The following MYO5B variants were observed in gnomAD, a reference collection of about 807,000 sequenced individuals.
MYO5B encodes myosin VB.
MYO5B carries 143 observed loss-of-function variants against 229.3 expected under a neutral mutation model. That is an observed-to-expected ratio of 0.62 (90% CI 0.54 to 0.72). The LOEUF is 0.72. MYO5B is among the 30% of genes least tolerant of loss of function. The probability of loss-of-function intolerance (pLI) is 0.00; values close to 1 mark genes in which losing one functional copy is unlikely to be tolerated. For missense variants in MYO5B, 2,321 were observed against 2,331.0 expected, an observed-to-expected ratio of 1.00 and a Z score of 0.09; for synonymous variants, 918 against 885.2, an observed-to-expected ratio of 1.04 and a Z score of -0.66.
At chr18:49,879,397 C>A in intron 23 of MYO5B, 1 of 427,814 alleles carries the variant, frequency 2.3e-6, no homozygotes, top group Non-Finnish European at 4.3e-6. Context: ...ACAGCAACTG[C>A]TGGCAGCATT....
chr18:49,925,305 G>A (rs1334447070), intron 17 of MYO5B, among the ~76,000 whole-genome samples: 1 of 152,224 alleles, frequency 6.6e-6, no homozygotes, highest in Non-Finnish European at 1.5e-5. Context: ...GAATATGCCT[G>A]TGACCTGGAA....
chr18:49,916,434 C>T (rs906394934), intron 17 of MYO5B, among the ~76,000 whole-genome samples: 11 of 152,216 alleles, frequency 7.2e-5, no homozygotes, highest in African/African-American at 2.7e-4. Flanking sequence ...GAACATCACC[C>T]ACCTCATACA....
At chr18:50,106,183 C>G (rs2031756913) in intron 1 of MYO5B, among the ~76,000 whole-genome samples, 1 of 152,134 alleles carries the variant, frequency 6.6e-6, no homozygotes, top group Admixed American at 6.5e-5. Context: ...TCTCCCGATT[C>G]TCTCCCAAAT....
chr18:50,167,052 A>G (rs1316706428), intron 1 of MYO5B, among the ~76,000 whole-genome samples: 1 of 152,240 alleles, frequency 6.6e-6, no homozygotes, highest in Non-Finnish European at 1.5e-5. Context: ...AAAGATCTAA[A>G]CGAGTTAACT....
chr18:50,165,427 C>T (rs2032832675), intron 1 of MYO5B, among the ~76,000 whole-genome samples: 1 of 151,744 alleles, frequency 6.6e-6, no homozygotes. Flanking sequence ...CTTCAGTGAG[C>T]CATGATTGTG....
chr18:49,983,987 A>G (rs1598931424), intron 8 of MYO5B, among the ~76,000 whole-genome samples: 1 of 152,314 alleles, frequency 6.6e-6, no homozygotes, highest in South Asian at 2.1e-4. Context: ...GGGGCTGGGG[A>G]AGACACAAGC....
intron 1 of MYO5B, among the ~76,000 whole-genome samples, chr18:50,185,697 G>C (rs11082809): frequency 0.51 from 78,031 of 152,008 alleles, 20,191 homozygotes; most frequent in Admixed American, 0.59. Context: ...AAAATAATTG[G>C]AACCAACCTA....
In MYO5B at chr18:49,864,128, G is replaced by A. The variant is rs1257096964; in HGVS notation, c.3843+13C>T. Reference sequence around the variant, plus strand: ...CCCCTCGGCAGCCCCACCGCGGGCCGCCATCTTGTTACCGCGTTCCTGCCG... The same window carrying A: ...CCCCTCGGCAGCCCCACCGCGGGCCACCATCTTGTTACCGCGTTCCTGCCG... On this transcript the variant is annotated intron_variant, in intron 28 of 39. Transcript: ENST00000285039. The A allele has an allele frequency of 5.0e-6, 8 of 1,605,850 alleles. No homozygotes were observed. The highest frequency in any genetic ancestry group is 3.4e-6 in the Non-Finnish European group (4 of 1,179,732).
At chr18:49,833,148 A>G (rs2023943601) in intron 39 of MYO5B, among the ~76,000 whole-genome samples, 3 of 152,244 alleles carry the variant, frequency 2.0e-5, no homozygotes, top group African/African-American at 7.2e-5. Flanking sequence ...TATTACCTAT[A>G]TTATCACAAT....
intron 26 of MYO5B, 58 bp from the exon 27 acceptor site, chr18:49,872,290 G>A (rs1397511650): frequency 6.3e-7 from 1 of 1,576,002 alleles, no homozygotes; most frequent in Admixed American, 1.7e-5. Flanking sequence ...TTCCACAGAG[G>A]TGTTTCCAAC....
chr18:49,960,206 T>C (rs567909121), intron 12 of MYO5B, among the ~76,000 whole-genome samples: 119 of 152,330 alleles, frequency 7.8e-4, no homozygotes, highest in South Asian at 2.9e-3. Context: ...TTCTGCACCA[T>C]GAGTCCAATC....
At chr18:49,980,740 G>A (rs908488276) in intron 8 of MYO5B, among the ~76,000 whole-genome samples, 187 bp from the exon 9 acceptor site, 3 of 152,068 alleles carry the variant, frequency 2.0e-5, no homozygotes, top group African/African-American at 7.2e-5. Context: ...AGAGGGCAAA[G>A]GGGCTCCTTG....
intron 4 of MYO5B, among the ~76,000 whole-genome samples, chr18:50,016,217 A>C (rs985392038): frequency 2.6e-5 from 4 of 152,148 alleles, no homozygotes; most frequent in East Asian, 1.9e-4. Flanking sequence ...TTTTCTTTTT[A>C]TTTTGTTTGC....
chr18:50,157,758 C>T (rs2032703975), intron 1 of MYO5B, among the ~76,000 whole-genome samples: 1 of 152,176 alleles, frequency 6.6e-6, no homozygotes, highest in African/African-American at 2.4e-5. Flanking sequence ...TAACATTTAC[C>T]TGTGTGGTGA....
At chr18:49,910,647 C>G (rs557679205) in intron 18 of MYO5B, among the ~76,000 whole-genome samples, 3 of 151,812 alleles carry the variant, frequency 2.0e-5, no homozygotes, top group Admixed American at 2.0e-4. Context: ...TAAAGCTATG[C>G]ATACATTTAC....
intron 4 of MYO5B, among the ~76,000 whole-genome samples, chr18:50,005,206 G>T (rs1598946519): frequency 6.6e-6 from 1 of 152,300 alleles, no homozygotes; most frequent in South Asian, 2.1e-4. Context: ...AGTTGAGCAT[G>T]TAAACCCTTC....
chr18:49,848,923 C>T (rs984805090), intron 32 of MYO5B, among the ~76,000 whole-genome samples: 1 of 152,012 alleles, frequency 6.6e-6, no homozygotes, highest in African/African-American at 2.4e-5. Context: ...GTGCCCAACA[C>T]ACAAGTGGGG....
chr18:49,978,237 T>G (rs1326695580), intron 9 of MYO5B, among the ~76,000 whole-genome samples: 2 of 152,120 alleles, frequency 1.3e-5, no homozygotes, highest in African/African-American at 4.8e-5. Context: ...ACCCTCATAC[T>G]ATCTCCACAC....
chr18:50,056,438 A>G (rs115154049), intron 1 of MYO5B, among the ~76,000 whole-genome samples: 102 of 152,318 alleles, frequency 6.7e-4, no homozygotes, highest in African/African-American at 2.4e-3. Flanking sequence ...CAGCTGTCAG[A>G]ACAATTTCTG....
Sources: gnomAD v4.1 joint callset for allele counts (sites outside exome capture counted in the v4.1 genomes callset) on GRCh38, gnomAD v4.1.1 for gene constraint, MANE v1.5 for transcripts, NCBI Gene and HGNC (gene_info 2026-07-23, HGNC 2026-07-21) for gene names.